Variants in PDE3A observed in about 807,000 individuals in gnomAD.
PDE3A encodes the protein phosphodiesterase 3A.
A neutral mutation model predicts 98.3 loss-of-function variants in PDE3A; 43 were observed. That is an observed-to-expected ratio of 0.44 (90% CI 0.34 to 0.56). PDE3A has a LOEUF of 0.56. PDE3A is among the 20% of genes least tolerant of loss of function. PDE3A has a pLI of 0.01. For synonymous variants in PDE3A, 663 were observed against 567.9 expected (o/e 1.17, Z -2.38); for missense variants, 1,427 against 1,440.7 (o/e 0.99, Z 0.15).
intron 1 of PDE3A, among the ~76,000 whole-genome samples, chr12:20,458,033 A>AT (rs1249825004): frequency 3.3e-5 from 5 of 151,884 alleles, no homozygotes; most frequent in South Asian, 4.2e-4. Context: ...ATATTTCTAG[A>AT]TTTTTTCTTC....
chr12:20,559,626 A>G (rs912602577), intron 2 of PDE3A, among the ~76,000 whole-genome samples: 2 of 151,608 alleles, frequency 1.3e-5, no homozygotes, highest in Non-Finnish European at 2.9e-5. Flanking sequence ...AGCCAAGATC[A>G]TGCCACTGCA....
chr12:20,611,640 C>T, intron 2 of PDE3A, among the ~76,000 whole-genome samples: 1 of 151,732 alleles, frequency 6.6e-6, no homozygotes, highest in Non-Finnish European at 1.5e-5. Context: ...GTAATTCTAG[C>T]AGTAAAAGAC....
intron 1 of PDE3A, among the ~76,000 whole-genome samples, chr12:20,521,867 A>G (rs1293811080): frequency 1.3e-5 from 2 of 152,096 alleles, no homozygotes; most frequent in African/African-American, 4.8e-5. Flanking sequence ...ACCTACAGAA[A>G]TGATCCAGTG....
chr12:20,615,290 C>T lies in PDE3A; in HGVS notation c.1270-940C>T, dbSNP rs541022136. On this transcript the variant is annotated intron_variant, in intron 3 of 15. Coordinates refer to ENST00000359062, the MANE Select transcript of PDE3A (RefSeq NM_000921.5). ...GACTCTTGTCTCAGTGCAGATGATG[C>T]TACATGTCCTGTTTAGGATATGGTG... is the stretch of plus-strand genomic sequence containing the variant. Among the ~76,000 whole-genome samples the T allele has an allele frequency of 2.0e-5, 3 of 152,168 alleles. No individual in the cohort carries two copies. The East Asian group carries it at 5.8e-4, about 29-fold the overall frequency.
rs376768414 is a variant in PDE3A, at chr12:20,368,721, G to A, written c.-564G>A. ...GGGGCCGTGCCGGGGAGAATCGGCC[G>A]AGGAGAAAGAAAGAGTGATAGAAAA... On this transcript the variant is annotated 5_prime_UTR_variant, in exon 1 of 16. Coordinates refer to ENST00000359062, the MANE Select transcript of PDE3A (RefSeq NM_000921.5). Among the ~76,000 whole-genome samples, 7 of 152,064 alleles carry A rather than the reference G, an allele frequency of 4.6e-5. No homozygotes were observed. The highest frequency in any genetic ancestry group is 1.4e-4 in the African/African-American group (6 of 41,520).
chr12:20,395,559 A>ATAT lies in PDE3A; in HGVS notation c.960+25315_960+25316insTAT, dbSNP rs1350673417. The stretch of plus-strand genomic sequence containing the variant: ...TAATATGTATACTATGTGTACACAT[A>ATAT]GTATATATATACATAGTATTATATA... On this transcript the variant is annotated intron_variant, in intron 1 of 15. Coordinates refer to ENST00000359062, the MANE Select transcript of PDE3A (RefSeq NM_000921.5). Among the ~76,000 whole-genome samples the ATAT allele has an allele frequency of 6.8e-5, 10 of 146,982 alleles. No homozygotes were observed. In the East Asian group the frequency reaches 7.9e-4, roughly 12 times the overall value.
At chr12:20,557,558 G>A (rs1477371936) in intron 2 of PDE3A, among the ~76,000 whole-genome samples, 1 of 152,174 alleles carries the variant, frequency 6.6e-6, no homozygotes, top group East Asian at 1.9e-4. Flanking sequence ...GCAGTTGAAT[G>A]TGCAATACTG....
At chr12:20,479,739 G>T (rs561566122) in intron 1 of PDE3A, among the ~76,000 whole-genome samples, 1 of 152,280 alleles carries the variant, frequency 6.6e-6, no homozygotes, top group African/African-American at 2.4e-5. Flanking sequence ...AGAGGCTTCT[G>T]CAGCTTCAGT....
rs534019040 is a variant in PDE3A at position 20,585,823 on chromosome 12, C to T, written c.1012-27620C>T. 8.5e-5 allele frequency among the ~76,000 whole-genome samples: 13 copies of T among 152,052 alleles called. No individual in the cohort carries two copies. The East Asian group carries it at 2.3e-3, about 27-fold the overall frequency. On this transcript the variant is annotated intron_variant, in intron 2 of 15. Coordinates refer to ENST00000359062, the MANE Select transcript of PDE3A (RefSeq NM_000921.5). Reference sequence around the variant, plus strand: ...TTTTGACTTTGGTTCATGCCTTTTCCTTTCTGTGTCTTCACTGTGCTTGCC... The same window carrying T: ...TTTTGACTTTGGTTCATGCCTTTTCTTTTCTGTGTCTTCACTGTGCTTGCC...
chr12:20,581,854 C>T (rs1026648581), intron 2 of PDE3A, among the ~76,000 whole-genome samples: 3 of 151,764 alleles, frequency 2.0e-5, no homozygotes, highest in African/African-American at 4.8e-5. Context: ...CCTCGTGATC[C>T]GCCCGCCTCG....
intron 1 of PDE3A, among the ~76,000 whole-genome samples, chr12:20,432,955 G>T (rs1418538429): frequency 6.6e-6 from 1 of 152,030 alleles, no homozygotes; most frequent in South Asian, 2.1e-4. Context: ...AGTCTAGAAG[G>T]TCTTAAGGGT....
At chr12:20,591,463 T>G (rs1943336806) in intron 2 of PDE3A, among the ~76,000 whole-genome samples, 1 of 152,372 alleles carries the variant, frequency 6.6e-6, no homozygotes, top group Non-Finnish European at 1.5e-5. Context: ...AGCATCTCAA[T>G]GCTCATGGCT....
rs796616698 is a variant in PDE3A, at chr12:20,662,870, C to T, written c.3184+8665C>T. Among the ~76,000 whole-genome samples the T allele has an allele frequency of 6.6e-5, 10 of 152,306 alleles. 1 individual carries two copies. The highest frequency in any genetic ancestry group is 2.4e-4 in the African/African-American group (10 of 41,566). ...GTAACAAGGAGCCAAATGTTAATCA[C>T]CAAGACAATGGAGAAAATGTCTCCA... On this transcript the variant is annotated intron_variant, in intron 15 of 15. Coordinates refer to ENST00000359062, the MANE Select transcript of PDE3A (RefSeq NM_000921.5).
At chr12:20,601,882 T>C (rs1010273926) in intron 2 of PDE3A, among the ~76,000 whole-genome samples, 2 of 152,166 alleles carry the variant, frequency 1.3e-5, no homozygotes, top group African/African-American at 2.4e-5. Flanking sequence ...CTGCCATCTG[T>C]TGTTCACTGA....
At chr12:20,581,523 T>C (rs1830403638) in intron 2 of PDE3A, among the ~76,000 whole-genome samples, 2 of 152,266 alleles carry the variant, frequency 1.3e-5, no homozygotes. Flanking sequence ...AATACATCCA[T>C]AGATGTATTT....
intron 1 of PDE3A, among the ~76,000 whole-genome samples, chr12:20,430,158 C>G (rs1304150223): frequency 2.0e-5 from 3 of 152,042 alleles, no homozygotes; most frequent in African/African-American, 7.2e-5. Flanking sequence ...AATCAGAGAA[C>G]CTCCTTCAAG....
chr12:20,529,287 T>C (rs1946580893), intron 1 of PDE3A, among the ~76,000 whole-genome samples: 1 of 152,132 alleles, frequency 6.6e-6, no homozygotes, highest in Admixed American at 6.5e-5. Context: ...TTGGAGAAAA[T>C]GAAAATTGCT....
At chr12:20,630,764 C>A (rs1257438365) in intron 6 of PDE3A, among the ~76,000 whole-genome samples, 1 of 152,078 alleles carries the variant, frequency 6.6e-6, no homozygotes, top group African/African-American at 2.4e-5. Flanking sequence ...TCTCTTCTTA[C>A]TGGTTAATGT....
intron 2 of PDE3A, among the ~76,000 whole-genome samples, chr12:20,600,171 A>G (rs1237479040): frequency 6.6e-6 from 1 of 152,198 alleles, no homozygotes; most frequent in African/African-American, 2.4e-5. Flanking sequence ...TGCTGTTGAA[A>G]TGACCATATA....
Sources: allele counts gnomAD v4.1 joint callset (sites outside exome capture counted in the v4.1 genomes callset), GRCh38; gene constraint gnomAD v4.1.1; transcripts MANE v1.5; gene names NCBI Gene and HGNC (gene_info 2026-07-23, HGNC 2026-07-21).